SOX6: variants seen among roughly 807,000 people sequenced by gnomAD.
The protein encoded by SOX6 is transcription factor SOX-6.
Under a neutral mutation model 97.8 loss-of-function variants are expected in SOX6, and 11 were observed. The observed-to-expected ratio is 0.11, with a 90% confidence interval of 0.07 to 0.19. SOX6 has a LOEUF of 0.19. Among genes scored for constraint, SOX6 ranks in the 10% least tolerant of loss-of-function variants. The pLI is 1.00. For missense variants in SOX6, 810 were observed against 1,039.5 expected (o/e 0.78, Z 3.04); for synonymous variants, 360 against 371.4 (o/e 0.97, Z 0.35).
At chr11:16,534,963 T>C (rs542906459) in intron 4 of SOX6, among the ~76,000 whole-genome samples, 37 of 152,314 alleles carry the variant, frequency 2.4e-4, no homozygotes, top group African/African-American at 7.9e-4. Context: ...TGCAGAAGAT[T>C]TAAACTGAGT....
chr11:16,205,263 T>G (rs1852042725), intron 4 of SOX6, among the ~76,000 whole-genome samples: 1 of 152,112 alleles, frequency 6.6e-6, no homozygotes, highest in South Asian at 2.1e-4. Flanking sequence ...GATATTTTTT[T>G]CAGAAATAGC....
chr11:16,656,443 G>A (rs1011439584), intron 3 of SOX6, among the ~76,000 whole-genome samples: 4 of 152,004 alleles, frequency 2.6e-5, no homozygotes, highest in African/African-American at 9.7e-5. Flanking sequence ...AGTGGACCAC[G>A]CTCACAGAAA....
At chr11:16,193,964 G>T (rs1309462467) in intron 4 of SOX6, among the ~76,000 whole-genome samples, 1 of 152,166 alleles carries the variant, frequency 6.6e-6, no homozygotes, top group South Asian at 2.1e-4. Flanking sequence ...CACTTCACAA[G>T]CTCAGTCCAT....
intron 4 of SOX6, among the ~76,000 whole-genome samples, chr11:16,496,713 T>C (rs1390200239): frequency 1.3e-5 from 2 of 152,152 alleles, no homozygotes; most frequent in Admixed American, 6.5e-5. Flanking sequence ...ACAGAGCCTC[T>C]CTCATTGCTA....
At chr11:16,164,499 T>C (rs1458401314) in intron 6 of SOX6, among the ~76,000 whole-genome samples, 13 of 152,210 alleles carry the variant, frequency 8.5e-5, no homozygotes, top group African/African-American at 2.2e-4. Flanking sequence ...TTAAAATACA[T>C]GGACATTTTG....
At chr11:16,693,399 CTT>C (rs2134037210) in intron 3 of SOX6, among the ~76,000 whole-genome samples, 1 of 152,070 alleles carries the variant, frequency 6.6e-6, no homozygotes. Flanking sequence ...TATATACAAT[CTT>C]TTTGTGTGTG....
At chr11:16,295,942 T>C (rs530203752) in intron 3 of SOX6, among the ~76,000 whole-genome samples, 2 of 152,198 alleles carry the variant, frequency 1.3e-5, no homozygotes, top group African/African-American at 4.8e-5. Flanking sequence ...ACCAACAGGC[T>C]ATCCTATTTA....
intron 1 of SOX6, among the ~76,000 whole-genome samples, chr11:16,445,636 C>G (rs992812368): frequency 2.6e-5 from 4 of 152,044 alleles, no homozygotes; most frequent in East Asian, 3.8e-4. Context: ...ACTTTTAATC[C>G]AAGGTCATCC....
At chr11:16,268,833 T>C (rs1459572076) in intron 3 of SOX6, among the ~76,000 whole-genome samples, 1 of 151,104 alleles carries the variant, frequency 6.6e-6, no homozygotes, top group Non-Finnish European at 1.5e-5. Context: ...GGAATATTAG[T>C]CCTTTATTTT....
At chr11:16,507,039 T>C (rs7944185) in intron 4 of SOX6, among the ~76,000 whole-genome samples, 63,241 of 151,886 alleles carry the variant, frequency 0.42, 14,136 homozygotes, top group East Asian at 0.85. Context: ...ACTCCAGCCA[T>C]GATAACGGAG....
chr11:16,545,826 CT>C (rs1188993466), intron 4 of SOX6, among the ~76,000 whole-genome samples: 2 of 152,196 alleles, frequency 1.3e-5, no homozygotes, highest in South Asian at 2.1e-4. Context: ...ATGGTGCATG[CT>C]TATGGTCCCA....
chr11:16,371,233 G>A (rs1857486946), intron 1 of SOX6, among the ~76,000 whole-genome samples: 3 of 151,862 alleles, frequency 2.0e-5, no homozygotes, highest in Admixed American at 2.0e-4. Flanking sequence ...CTCAGAGTCT[G>A]CACTGGTCCC....
chr11:16,103,385 G>A (rs1041513455), intron 7 of SOX6, among the ~76,000 whole-genome samples: 1 of 151,826 alleles, frequency 6.6e-6, no homozygotes, highest in African/African-American at 2.4e-5. Context: ...ATACTGGCGT[G>A]GATGTGGTGA....
intron 1 of SOX6, among the ~76,000 whole-genome samples, chr11:16,418,018 T>G (rs1385467227): frequency 6.6e-6 from 1 of 152,196 alleles, no homozygotes; most frequent in African/African-American, 2.4e-5. Context: ...GTACGTTTCC[T>G]CGACTACTCA....
intron 4 of SOX6, among the ~76,000 whole-genome samples, chr11:16,498,328 C>A (rs1349578036): frequency 1.3e-5 from 2 of 152,278 alleles, no homozygotes; most frequent in African/African-American, 2.4e-5. Context: ...TGGAAAGGAA[C>A]AACCGGTACC....
chr11:16,099,928 A>G (rs1848900369), intron 7 of SOX6, among the ~76,000 whole-genome samples: 1 of 151,798 alleles, frequency 6.6e-6, no homozygotes, highest in Non-Finnish European at 1.5e-5. Context: ...TCATTGTTTC[A>G]ACATTAAAAG....
chr11:16,520,615 A>T (rs2133160248), intron 4 of SOX6, among the ~76,000 whole-genome samples: 1 of 152,336 alleles, frequency 6.6e-6, no homozygotes. Flanking sequence ...AGGGAGTGCC[A>T]GACAGTGGGC....
At chr11:16,164,820 CAAA>C (rs200369773) in intron 6 of SOX6, among the ~76,000 whole-genome samples, 7 of 81,664 alleles carry the variant, frequency 8.6e-5, no homozygotes, top group Admixed American at 4.2e-4. Flanking sequence ...GACTTGGTAT[CAAA>C]AAAAAAAAAA....
intron 1 of SOX6, among the ~76,000 whole-genome samples, chr11:16,373,317 G>A (rs1405313475): frequency 6.6e-6 from 1 of 152,070 alleles, no homozygotes; most frequent in Non-Finnish European, 1.5e-5. Context: ...GCCTAAAAGA[G>A]AGATGTGTCA....
Sources: gnomAD v4.1 joint callset for allele counts (sites outside exome capture counted in the v4.1 genomes callset) on GRCh38, gnomAD v4.1.1 for gene constraint, MANE v1.5 for transcripts, NCBI Gene and HGNC (gene_info 2026-07-23, HGNC 2026-07-21) for gene names.